The following ANO2 variants were observed in gnomAD, a reference collection of about 807,000 sequenced individuals.
ANO2 encodes the protein anoctamin-2.
In ANO2, 101 loss-of-function variants were observed where a neutral mutation model predicts 124.2. The observed-to-expected ratio is 0.81, with a 90% confidence interval of 0.69 to 0.96. The LOEUF is 0.96. Ranked by LOEUF, ANO2 falls within the 40% of genes least tolerant of loss-of-function variation. ANO2 has a pLI of 0.00. For missense variants in ANO2, 1,293 were observed against 1,274.5 expected (o/e 1.01, Z -0.22); for synonymous variants, 486 against 482.5 (o/e 1.01, Z -0.09).
chr12:5,736,012 G>C (rs1950846069), intron 13 of ANO2, among the ~76,000 whole-genome samples: 1 of 152,248 alleles, frequency 6.6e-6, no homozygotes, highest in Non-Finnish European at 1.5e-5. Context: ...TAATGGGCAA[G>C]AGTGGCCCAC....
At chr12:5,708,322 G>C (rs969544813) in intron 14 of ANO2, among the ~76,000 whole-genome samples, 1 of 152,118 alleles carries the variant, frequency 6.6e-6, no homozygotes, top group African/African-American at 2.4e-5. Context: ...ATCTGATTAC[G>C]TAGTGCCCCT....
chr12:5,786,522 G>A (rs1288465521), intron 10 of ANO2, among the ~76,000 whole-genome samples: 1 of 152,154 alleles, frequency 6.6e-6, no homozygotes, highest in Non-Finnish European at 1.5e-5. Flanking sequence ...GTGAGAGGAT[G>A]AGCCTGGATG....
chr12:5,692,542 G>A (rs952306788), intron 14 of ANO2, among the ~76,000 whole-genome samples: 6 of 152,300 alleles, frequency 3.9e-5, no homozygotes, highest in Admixed American at 1.3e-4. Context: ...AGGGCTTAAA[G>A]ATCCTACATC....
chr12:5,923,265 C>CACACACACAT (rs1941917255), intron 1 of ANO2, among the ~76,000 whole-genome samples: 1 of 111,802 alleles, frequency 8.9e-6, no homozygotes, highest in Non-Finnish European at 1.6e-5. Context: ...CATACACACA[C>CACACACACAT]ACACACACAC....
At chr12:5,727,495 G>C (rs1950484343) in intron 14 of ANO2, among the ~76,000 whole-genome samples, 1 of 144,706 alleles carries the variant, frequency 6.9e-6, no homozygotes, top group Admixed American at 6.9e-5. Context: ...ACCTTATAGA[G>C]AGAGTTTTAA....
intron 14 of ANO2, among the ~76,000 whole-genome samples, chr12:5,728,099 C>A (rs1183047139): frequency 1.3e-5 from 2 of 152,182 alleles, no homozygotes; most frequent in African/African-American, 4.8e-5. Flanking sequence ...AGCCACCGCA[C>A]CCGGCCTCAC....
intron 14 of ANO2, among the ~76,000 whole-genome samples, chr12:5,664,303 C>T (rs1947593240): frequency 6.6e-6 from 1 of 152,108 alleles, no homozygotes; most frequent in Non-Finnish European, 1.5e-5. Flanking sequence ...ATCATTCTAC[C>T]CATCTATCTA....
upstream of ANO2, chr12:5,945,274 C>T: frequency 1.6e-6 from 2 of 1,256,338 alleles, no homozygotes; most frequent in Non-Finnish European, 2.1e-6. Context: ...AGGCTTATGC[C>T]GCCGCGGGGC....
chr12:5,732,755 C>T, intron 13 of ANO2, 125 bp from the exon 14 acceptor site: 2 of 1,542,312 alleles, frequency 1.3e-6, no homozygotes, highest in African/African-American at 1.4e-5. Flanking sequence ...ATATGAACTG[C>T]CCCACCACAC....
At chr12:5,572,626 T>C (rs1334797578) in intron 23 of ANO2, among the ~76,000 whole-genome samples, 2 of 152,224 alleles carry the variant, frequency 1.3e-5, no homozygotes, top group Non-Finnish European at 2.9e-5. Context: ...CTCCCTATTA[T>C]ACAACCAATG....
intron 10 of ANO2, 80 bp from the exon 11 acceptor site, chr12:5,751,050 A>C (rs1018122111): frequency 3.6e-6 from 5 of 1,384,148 alleles, no homozygotes; most frequent in Non-Finnish European, 4.9e-6. Context: ...TCTATGCCTA[A>C]GGGTGGGTCA....
At chr12:5,844,611 T>A (rs1954621902) in intron 4 of ANO2, among the ~76,000 whole-genome samples, 1 of 152,182 alleles carries the variant, frequency 6.6e-6, no homozygotes, top group East Asian at 1.9e-4. Flanking sequence ...CTTCTTACTG[T>A]ACGGGTGAGA....
intron 16 of ANO2, among the ~76,000 whole-genome samples, chr12:5,629,279 C>T (rs1945580606): frequency 6.6e-6 from 1 of 152,318 alleles, no homozygotes; most frequent in South Asian, 2.1e-4. Flanking sequence ...AGCCTAGAAG[C>T]CTGCCATCAG....
chr12:5,871,456 A>G (rs1291717027), intron 3 of ANO2, among the ~76,000 whole-genome samples: 1 of 152,142 alleles, frequency 6.6e-6, no homozygotes, highest in Non-Finnish European at 1.5e-5. Flanking sequence ...TACCAGTCTG[A>G]GGCCTGTCAG....
At chr12:5,783,022 G>A (rs1354976331) in intron 10 of ANO2, among the ~76,000 whole-genome samples, 1 of 152,152 alleles carries the variant, frequency 6.6e-6, no homozygotes, top group South Asian at 2.1e-4. Context: ...ACAGCTCAAA[G>A]GTGATGACCC....
chr12:5,928,242 C>T (rs1348679788), intron 1 of ANO2, among the ~76,000 whole-genome samples: 3 of 152,134 alleles, frequency 2.0e-5, no homozygotes, highest in Non-Finnish European at 2.9e-5. Context: ...TCATTCCTAA[C>T]TCCTGGTGGC....
chr12:5,773,529 A>G (rs925879479), intron 10 of ANO2, among the ~76,000 whole-genome samples: 4 of 152,208 alleles, frequency 2.6e-5, no homozygotes, highest in Admixed American at 1.3e-4. Flanking sequence ...CACTTGCCAC[A>G]TGGAAATACT....
intron 15 of ANO2, among the ~76,000 whole-genome samples, chr12:5,640,292 T>C (rs148451393): frequency 1.3e-5 from 2 of 152,302 alleles, no homozygotes; most frequent in East Asian, 3.9e-4. Context: ...AGATGAGAGA[T>C]ACGGTAGGTG....
intron 14 of ANO2, among the ~76,000 whole-genome samples, chr12:5,725,548 G>C (rs571767931): frequency 3.4e-4 from 52 of 152,258 alleles, no homozygotes; most frequent in Middle Eastern, 6.8e-3. Context: ...ACTGACTTTT[G>C]GTTAGGTCTG....
Sources: allele counts gnomAD v4.1 joint callset (sites outside exome capture counted in the v4.1 genomes callset), GRCh38; gene constraint gnomAD v4.1.1; transcripts MANE v1.5; gene names NCBI Gene and HGNC (gene_info 2026-07-23, HGNC 2026-07-21).